Variants in FRMD4B observed in about 807,000 individuals in gnomAD.
FRMD4B encodes the protein FERM domain-containing protein 4B.
Under a neutral mutation model 141.5 loss-of-function variants are expected in FRMD4B, and 74 were observed. The observed-to-expected ratio is 0.52, with a 90% CI of 0.43 to 0.63. The LOEUF is 0.63. Ranked by LOEUF, FRMD4B falls within the 30% of genes least tolerant of loss-of-function variation. FRMD4B has a pLI of 0.00. For missense variants in FRMD4B, 1,366 were observed against 1,253.4 expected (o/e 1.09, Z -1.36); for synonymous variants, 506 against 467.9 (o/e 1.08, Z -1.05).
chr3:69,496,515 C>T (rs376400474), intron 1 of FRMD4B, among the ~76,000 whole-genome samples: 7 of 151,800 alleles, frequency 4.6e-5, no homozygotes, highest in Admixed American at 3.9e-4. Flanking sequence ...TTGGTTTAGA[C>T]GTACAAGACT....
chr3:69,281,834 A>ATATATATAT (rs66485150), intron 5 of FRMD4B, among the ~76,000 whole-genome samples: 1 of 71,576 alleles, frequency 1.4e-5, no homozygotes, highest in African/African-American at 4.2e-5. Context: ...AAAAAAAAAA[A>ATATATATAT]AAAAATATAT....
chr3:69,439,056 T>C (rs912038862), intron 1 of FRMD4B, among the ~76,000 whole-genome samples: 1 of 46,874 alleles, frequency 2.1e-5, no homozygotes, highest in African/African-American at 2.3e-4. Context: ...TGTGCGTGTG[T>C]GTGTATGTGT....
chr3:69,428,313 T>C (rs1705119555), intron 2 of FRMD4B, among the ~76,000 whole-genome samples: 1 of 150,568 alleles, frequency 6.6e-6, no homozygotes, highest in South Asian at 2.1e-4. Flanking sequence ...ATCTGTGAAA[T>C]GGAAATCACA....
chr3:69,170,479 T>C lies in FRMD4B; in HGVS notation c.*1382A>G, dbSNP rs1204168933. 1 of 152,150 alleles carries C rather than the reference T, an allele frequency of 6.6e-6. No homozygotes were observed. Among genetic ancestry groups the C allele is most frequent in the Non-Finnish European group, 1.5e-5 (1 of 68,026 alleles). 9.4% of individuals were successfully genotyped at this position (152,150 alleles called of 1,614,324 possible). On this transcript the variant is annotated 3_prime_UTR_variant, in exon 23 of 23. Coordinates refer to ENST00000398540, the MANE Select transcript of FRMD4B (RefSeq NM_015123.3). ...AATTATACAAATGACTAAGGACCAG[T>C]TTAACAAATCGTTTTTATGTATATA...
At chr3:69,279,668 T>TCTC (rs138582024) in intron 5 of FRMD4B, among the ~76,000 whole-genome samples, 26 of 77,632 alleles carry the variant, frequency 3.3e-4, no homozygotes, top group African/African-American at 1.0e-3. Context: ...TCCTCCTCCT[T>TCTC]CTCCTCCTCC....
intron 5 of FRMD4B, among the ~76,000 whole-genome samples, chr3:69,260,749 C>G (rs564751698): frequency 6.6e-6 from 1 of 152,242 alleles, no homozygotes; most frequent in East Asian, 1.9e-4. Flanking sequence ...ACTTTTATGT[C>G]TAGCTGGAGG....
At chr3:69,504,223 T>C (rs1372333068) in intron 1 of FRMD4B, among the ~76,000 whole-genome samples, 1 of 152,198 alleles carries the variant, frequency 6.6e-6, no homozygotes, top group Non-Finnish European at 1.5e-5. Flanking sequence ...CAGAATAATT[T>C]ATTTACCCAG....
chr3:69,472,213 A>T lies in FRMD4B; in HGVS notation c.-128-39452T>A, dbSNP rs544026520. 33 of 301,536 alleles carry T rather than the reference A, an allele frequency of 1.1e-4. No homozygotes were observed. The East Asian group carries it at 2.5e-3, about 23-fold the overall frequency. 18.7% of individuals were successfully genotyped at this position (301,536 alleles called of 1,614,324 possible). A position where few individuals can be genotyped will look rare whatever the true frequency, so the allele number is the denominator to read the frequency against. Reference sequence around the variant, plus strand: ...AAGGATAGCATTTACAGAGCTGAAGATCTTGTGACTAAAATGAGAGACTGT... The same window carrying T: ...AAGGATAGCATTTACAGAGCTGAAGTTCTTGTGACTAAAATGAGAGACTGT... On this transcript the variant is annotated intron_variant, in intron 1 of 5. Transcript: ENST00000459638.
At chr3:69,528,853 C>T (rs2074186407) in intron 1 of FRMD4B, among the ~76,000 whole-genome samples, 1 of 150,672 alleles carries the variant, frequency 6.6e-6, no homozygotes, top group Non-Finnish European at 1.5e-5. Context: ...CATGGTGATA[C>T]TCACCATGGT....
At chr3:69,301,781 C>A (rs1184275051) in intron 4 of FRMD4B, among the ~76,000 whole-genome samples, 1 of 152,216 alleles carries the variant, frequency 6.6e-6, no homozygotes, top group African/African-American at 2.4e-5. Context: ...CCTCAGAGAA[C>A]AAGTCAAGGA....
At chr3:69,207,426 T>C (rs994774642) in intron 11 of FRMD4B, among the ~76,000 whole-genome samples, 6 of 152,178 alleles carry the variant, frequency 3.9e-5, no homozygotes, top group Non-Finnish European at 7.3e-5. Context: ...TTCAGACTAG[T>C]CAATCCTATT....
At chr3:69,228,433 C>G (rs1559735154) in intron 7 of FRMD4B, 1 of 456,888 alleles carries the variant, frequency 2.2e-6, no homozygotes, top group Non-Finnish European at 4.4e-6. Flanking sequence ...CCTGGGGACA[C>G]TGAGATATGG....
intron 2 of FRMD4B, among the ~76,000 whole-genome samples, chr3:69,410,579 A>G (rs1336869251): frequency 1.3e-5 from 2 of 152,028 alleles, no homozygotes; most frequent in Non-Finnish European, 2.9e-5. Flanking sequence ...CTGATGGCAC[A>G]GGCATGGCCC....
upstream of FRMD4B, among the ~76,000 whole-genome samples, chr3:69,388,462 G>T (rs528897272): frequency 5.9e-5 from 9 of 152,248 alleles, no homozygotes; most frequent in African/African-American, 2.2e-4. Context: ...TGAGATCAGC[G>T]ATCAGAGCTT....
chr3:69,264,390 G>GTA (rs1362283754), intron 5 of FRMD4B, among the ~76,000 whole-genome samples: 1 of 151,970 alleles, frequency 6.6e-6, no homozygotes, highest in Non-Finnish European at 1.5e-5. Flanking sequence ...AACTGAAAGA[G>GTA]TAATGAAGTA....
At chr3:69,524,574 C>T (rs1700904733) in intron 1 of FRMD4B, among the ~76,000 whole-genome samples, 2 of 152,186 alleles carry the variant, frequency 1.3e-5, no homozygotes. Context: ...CAGCTGGGGG[C>T]TGGGTAATAC....
At chr3:69,236,591 G>C (rs998153124) in intron 7 of FRMD4B, among the ~76,000 whole-genome samples, 4 of 152,048 alleles carry the variant, frequency 2.6e-5, no homozygotes, top group Admixed American at 6.6e-5. Context: ...AGTCATTTTC[G>C]GCAGAACCTT....
At chr3:69,478,173 T>C (rs559447713) in intron 1 of FRMD4B, among the ~76,000 whole-genome samples, 1 of 152,184 alleles carries the variant, frequency 6.6e-6, no homozygotes, top group African/African-American at 2.4e-5. Context: ...ATTTATTGAT[T>C]TTTTGAAGGG....
intron 7 of FRMD4B, among the ~76,000 whole-genome samples, chr3:69,237,155 A>G (rs2093350311): frequency 7.2e-6 from 1 of 138,670 alleles, no homozygotes. Flanking sequence ...TTCTCTGGAC[A>G]ACTGCAGGCC....
Sources: allele counts gnomAD v4.1 joint callset (sites outside exome capture counted in the v4.1 genomes callset), GRCh38; gene constraint gnomAD v4.1.1; transcripts MANE v1.5; gene names NCBI Gene and HGNC (gene_info 2026-07-23, HGNC 2026-07-21).